DNAH14: variants seen among roughly 807,000 people sequenced by gnomAD.
The protein encoded by DNAH14 is axonemal beta dynein heavy chain 14.
DNAH14 carries 478 observed loss-of-function variants against 520.9 expected under a neutral mutation model. That is an observed-to-expected ratio of 0.92 (90% CI 0.85 to 0.99). DNAH14 has a LOEUF of 0.99. Ranked by LOEUF, DNAH14 falls within the 50% of genes least tolerant of loss-of-function variation. The pLI, the probability that DNAH14 is intolerant of heterozygous loss-of-function variation, is 0.00. For missense variants in DNAH14, 4,831 were observed against 5,234.5 expected, an observed-to-expected ratio of 0.92 and a Z score of 2.38; for synonymous variants, 1,581 against 1,757.2, an observed-to-expected ratio of 0.90 and a Z score of 2.51.
At chr1:225,218,515 G>A (rs34937935) in intron 41 of DNAH14, among the ~76,000 whole-genome samples, 19,226 of 151,192 alleles carry the variant, frequency 0.13, 1,374 homozygotes, top group East Asian at 0.31. Context: ...TGCAATCCTT[G>A]TCTCTGGTAA....
intron 10 of DNAH14, among the ~76,000 whole-genome samples, chr1:225,014,587 A>AT (rs1049669364): frequency 6.6e-6 from 1 of 151,854 alleles, no homozygotes. Flanking sequence ...AACATGTTTA[A>AT]TTTTCATGTA....
At chr1:225,155,381 G>A (rs1484014677) in intron 34 of DNAH14, among the ~76,000 whole-genome samples, 3 of 152,084 alleles carry the variant, frequency 2.0e-5, no homozygotes. Context: ...AAGGATAGGG[G>A]ATAAAGCTAT....
chr1:225,243,362 G>A (rs974769514), intron 43 of DNAH14, among the ~76,000 whole-genome samples: 9 of 151,440 alleles, frequency 5.9e-5, no homozygotes, highest in African/African-American at 2.2e-4. Flanking sequence ...AACCACCAAA[G>A]TAGAAATGAG....
chr1:225,208,521 A>T (rs1057468777), intron 41 of DNAH14, among the ~76,000 whole-genome samples: 1 of 152,162 alleles, frequency 6.6e-6, no homozygotes, highest in African/African-American at 2.4e-5. Context: ...ATATGTGTAT[A>T]TAGTTGAAAG....
chr1:225,031,218 A>G (rs1359939245), intron 11 of DNAH14, among the ~76,000 whole-genome samples: 1 of 152,104 alleles, frequency 6.6e-6, no homozygotes, highest in Non-Finnish European at 1.5e-5. Flanking sequence ...TTGACCTTGT[A>G]TCTGTAACCT....
In DNAH14 at chr1:225,204,130, G is replaced by A. The variant is rs967629913; in HGVS notation, c.5887-53G>A. 4.0e-5 allele frequency: 38 copies of A among 941,654 alleles called. 1 individual carries two copies. The South Asian group carries it at 5.4e-4, about 13-fold the overall frequency. 58.3% of individuals were successfully genotyped at this position (941,654 alleles called of 1,614,324 possible). On this transcript the variant is annotated intron_variant, in intron 38 of 85. Transcript: ENST00000682510. ...GCATATTGACATATAATCCATTGTA[G>A]TTGAAAAGTGTTATTAAATAAAAAT...
At chr1:225,001,105 C>CTT (rs56251439) in intron 8 of DNAH14, among the ~76,000 whole-genome samples, 8,111 of 144,166 alleles carry the variant, frequency 0.056, 447 homozygotes, top group East Asian at 0.24. Context: ...AGGCAATGGA[C>CTT]TTTTTTTTTT....
chr1:225,224,376 C>T (rs2090337938), intron 41 of DNAH14, among the ~76,000 whole-genome samples: 1 of 151,790 alleles, frequency 6.6e-6, no homozygotes, highest in African/African-American at 2.4e-5. Flanking sequence ...AGATAGCCCC[C>T]AGGCTGCACT....
intron 11 of DNAH14, among the ~76,000 whole-genome samples, chr1:225,033,425 C>A (rs2066693188): frequency 6.6e-6 from 1 of 152,058 alleles, no homozygotes; most frequent in African/African-American, 2.4e-5. Context: ...CTATTCTGTT[C>A]CATTGGTCTA....
At chr1:225,342,788 G>A (rs1472851340) in intron 69 of DNAH14, among the ~76,000 whole-genome samples, 1 of 151,830 alleles carries the variant, frequency 6.6e-6, no homozygotes, top group Non-Finnish European at 1.5e-5. Flanking sequence ...TACTTTGGAT[G>A]ATGTTACCTA....
At chr1:225,148,866 T>A (rs563105283) in intron 31 of DNAH14, among the ~76,000 whole-genome samples, 1 of 152,326 alleles carries the variant, frequency 6.6e-6, no homozygotes, top group East Asian at 1.9e-4. Flanking sequence ...ATGCATAGTT[T>A]GCAAAAATTT....
At chr1:225,364,668 C>G in intron 75 of DNAH14, 124 bp from the exon 76 acceptor site, 1 of 601,832 alleles carries the variant, frequency 1.7e-6, no homozygotes, top group Admixed American at 3.6e-5. Flanking sequence ...TCTGATAATA[C>G]AGTAAGATCT....
Position 225,080,425 on chromosome 1 carries a change from C to T in DNAH14, c.2813C>T (p.Ala938Val), listed in dbSNP as rs1310702123. Reference protein sequence around the residue: ...LLCAGTQVSTAMEMIQTLSGE... With the variant: ...LLCAGTQVSTVMEMIQTLSGE... ...TGTGCTGGTACTCAAGTGTCAACAG[C>T]AATGGAAATGATCCAGACTCTCTCA... The change falls in exon 19 of 86, where the codon GCA becomes GTA. Residue 938 changes from alanine to valine, a missense_variant. Coordinates refer to ENST00000682510, the MANE Select transcript of DNAH14 (RefSeq NM_001367479.1). 1.9e-6 allele frequency: 3 copies of T among 1,550,172 alleles called. No individual in the cohort carries two copies. The African/African-American group carries it at 4.1e-5, about 21-fold the overall frequency.
At chr1:225,293,389 C>T (rs569975584) in intron 55 of DNAH14, among the ~76,000 whole-genome samples, 3 of 152,252 alleles carry the variant, frequency 2.0e-5, no homozygotes, top group Non-Finnish European at 4.4e-5. Flanking sequence ...CACTGCAGCA[C>T]TATTCACAAT....
chr1:224,962,734 A>T (rs1248920012), intron 4 of DNAH14, among the ~76,000 whole-genome samples: 1 of 151,610 alleles, frequency 6.6e-6, no homozygotes, highest in Non-Finnish European at 1.5e-5. Flanking sequence ...AACTAACCTA[A>T]CTCTCTTTTA....
At chr1:225,087,035 C>CACACACACAG (rs1491096002) in intron 21 of DNAH14, among the ~76,000 whole-genome samples, 1 of 150,228 alleles carries the variant, frequency 6.7e-6, no homozygotes, top group Non-Finnish European at 1.5e-5. Context: ...CACACACACA[C>CACACACACAG]AGCCTTCTAC....
intron 49 of DNAH14, 133 bp downstream of exon 49, chr1:225,266,902 G>T: frequency 6.7e-6 from 5 of 749,722 alleles, no homozygotes; most frequent in Non-Finnish European, 1.0e-5. Flanking sequence ...AAGCAAAGTT[G>T]AGACCCTAAA....
At chr1:225,113,817 A>G (rs1189567830) in intron 23 of DNAH14, among the ~76,000 whole-genome samples, 1 of 152,118 alleles carries the variant, frequency 6.6e-6, no homozygotes, top group Admixed American at 6.5e-5. Context: ...CTAAAGCCCA[A>G]GGGCTCTTTA....
Position 225,080,502 on chromosome 1 carries a change from G to T in DNAH14, c.2890G>T (p.Asp964Tyr), listed in dbSNP as rs2072996753. The part of the protein sequence containing the change: ...NKAKAYSHYQ[D>Y]CFSDSQSHMH... ...AGCTAAAGCATATTCACATTATCAG[G>T]ATTGTTTCAGTGATTCTCAATCTCA... The change falls in exon 19 of 86, where the codon GAT (aspartate) becomes TAT (tyrosine). Residue 964 changes from aspartate (D) to tyrosine (Y), a missense_variant. Physicochemically the swap from Asp to Tyr is radical, Grantham distance 160. Transcript: ENST00000682510. 6.4e-7 allele frequency: 1 copy of T among 1,551,698 alleles called. No homozygotes were observed. Among genetic ancestry groups the T allele is most frequent in the Non-Finnish European group, 8.7e-7 (1 of 1,147,016 alleles).
Sources: allele counts gnomAD v4.1 joint callset (sites outside exome capture counted in the v4.1 genomes callset), GRCh38; gene constraint gnomAD v4.1.1; transcripts MANE v1.5; gene names NCBI Gene and HGNC (gene_info 2026-07-23, HGNC 2026-07-21).